Variants in GOLIM4 observed in about 807,000 individuals in gnomAD.
GOLIM4 encodes the protein golgi integral membrane protein 4.
Under a neutral mutation model 107.4 loss-of-function variants are expected in GOLIM4, and 71 were observed. The observed-to-expected ratio is 0.66, with a 90% CI of 0.55 to 0.81. The LOEUF (loss-of-function observed/expected upper bound fraction) is 0.81, where lower values mean the gene tolerates loss of function less well. GOLIM4 is among the 30% of genes least tolerant of loss of function. GOLIM4 has a pLI of 0.00. For synonymous variants in GOLIM4, 327 were observed against 294.8 expected, an observed-to-expected ratio of 1.11 and a Z score of -1.12; for missense variants, 830 against 826.1, an observed-to-expected ratio of 1.00 and a Z score of -0.06.
At chr3:168,086,288 TAATC>T (rs1315312386) in intron 1 of GOLIM4, among the ~76,000 whole-genome samples, 3 of 152,156 alleles carry the variant, frequency 2.0e-5, no homozygotes, top group East Asian at 1.9e-4. Flanking sequence ...TAAACCAAAT[TAATC>T]AATTATCAAC....
intron 1 of GOLIM4, among the ~76,000 whole-genome samples, chr3:168,078,281 C>G (rs1390016055): frequency 6.6e-6 from 1 of 151,926 alleles, no homozygotes; most frequent in Non-Finnish European, 1.5e-5. Flanking sequence ...TTAATTTTTT[C>G]TATCATAATT....
rs1430135414 is a variant in GOLIM4, at chr3:168,016,305, T to C, written c.1861-5482A>G. On this transcript the variant is annotated intron_variant, in intron 14 of 15. Transcript: ENST00000470487. Reference sequence around the variant, plus strand: ...CACATGAAAAAATGCTCATCATCACTGGCCATCAGAGAAATGCAAATCAAA... The same window carrying C: ...CACATGAAAAAATGCTCATCATCACCGGCCATCAGAGAAATGCAAATCAAA... Among the ~76,000 whole-genome samples, 4 of 134,840 alleles carry C rather than the reference T, an allele frequency of 3.0e-5. No homozygotes were observed. In the South Asian group the frequency reaches 8.4e-4, roughly 28 times the overall value. 88.5% of individuals were successfully genotyped at this position (134,840 alleles called of 152,430 possible).
At chr3:168,075,710 C>T (rs33916388) in intron 1 of GOLIM4, among the ~76,000 whole-genome samples, 86,480 of 151,968 alleles carry the variant, frequency 0.57, 26,428 homozygotes, top group African/African-American at 0.76. Context: ...CTGCTTTTCT[C>T]ATTGCTTCTT....
chr3:168,024,585 T>G lies in GOLIM4; in HGVS notation c.1801A>C (p.Asn601His), dbSNP rs765604325. The change falls in exon 14 of 16, where the codon AAT becomes CAT. Residue 601 changes from asparagine (N) to histidine (H), a missense_variant. Transcript: ENST00000470487. ...EVEEHLVMAG[N>H]PDQQEDNVDE... ...ACATTGTCCTCCTGCTGGTCTGGAT[T>G]TCCTGCCATCTGTTGGAAACAAAAG... is the stretch of plus-strand genomic sequence containing the variant. 3.1e-6 allele frequency: 5 copies of G among 1,613,344 alleles called. No homozygotes were observed. Among genetic ancestry groups the G allele is most frequent in the Admixed American group, 3.3e-5 (2 of 59,996 alleles).
intron 1 of GOLIM4, among the ~76,000 whole-genome samples, chr3:168,072,770 T>A (rs1435069748): frequency 2.0e-5 from 3 of 152,082 alleles, no homozygotes; most frequent in Non-Finnish European, 4.4e-5. Context: ...GAAGGCAGAA[T>A]TATTACAGTA....
intron 14 of GOLIM4, among the ~76,000 whole-genome samples, chr3:168,013,004 A>G: frequency 6.7e-6 from 1 of 148,764 alleles, no homozygotes; most frequent in Non-Finnish European, 1.5e-5. Context: ...TAACCAGCTA[A>G]CATCATAATG....
intron 1 of GOLIM4, among the ~76,000 whole-genome samples, chr3:168,067,525 A>AC (rs1553803181): frequency 0.025 from 3,687 of 150,412 alleles, 124 homozygotes; most frequent in African/African-American, 0.079. Context: ...AAAAAAAAAA[A>AC]ACACACACAC....
chr3:168,027,836 G>C lies in GOLIM4; in HGVS notation c.1515C>G (p.Ala505=). 2 of 1,593,260 alleles carry C rather than the reference G, an allele frequency of 1.3e-6. No individual in the cohort carries two copies. Among genetic ancestry groups the C allele is most frequent in the Non-Finnish European group, 8.6e-7 (1 of 1,161,480 alleles). Residue 505 remains alanine, a splice_region_variant and synonymous_variant, in exon 12 of 16, where the codon GCC becomes GCG. Coordinates refer to ENST00000470487, the MANE Select transcript of GOLIM4 (RefSeq NM_014498.5). ...EDQGIQGEEG[A]YERDNQHQDE... ...CTTGGTGCTGGTTGTCTCTTTCATA[G>C]GCTAGCAAATCAAAGGAACTAAAAT...
At chr3:168,087,248 T>C (rs1432474301) in intron 1 of GOLIM4, among the ~76,000 whole-genome samples, 1 of 152,314 alleles carries the variant, frequency 6.6e-6, no homozygotes, top group East Asian at 1.9e-4. Context: ...ATAGCATTAA[T>C]GATTGGTAAT....
intron 7 of GOLIM4, among the ~76,000 whole-genome samples, chr3:168,039,217 A>G (rs960766426): frequency 6.6e-6 from 1 of 151,992 alleles, no homozygotes; most frequent in South Asian, 2.1e-4. Context: ...GCCAAAAAAG[A>G]TATTTCAATA....
chr3:168,054,209 T>C (rs1362363155), intron 1 of GOLIM4, among the ~76,000 whole-genome samples: 1 of 152,242 alleles, frequency 6.6e-6, no homozygotes. Flanking sequence ...TAATTTTTAA[T>C]AAGCCCTTTC....
chr3:168,065,484 C>T (rs1432994007), intron 1 of GOLIM4, among the ~76,000 whole-genome samples: 1 of 152,140 alleles, frequency 6.6e-6, no homozygotes, highest in Admixed American at 6.6e-5. Context: ...TACAGTGAGG[C>T]TCTCTTTTTC....
At chr3:168,068,939 C>T (rs183872359) in intron 1 of GOLIM4, among the ~76,000 whole-genome samples, 13 of 151,806 alleles carry the variant, frequency 8.6e-5, no homozygotes, top group Admixed American at 5.9e-4. Flanking sequence ...CGGGTTCAAG[C>T]GATTCTCCTG....
At chr3:168,086,964 A>T (rs753476433) in intron 1 of GOLIM4, among the ~76,000 whole-genome samples, 13 of 152,164 alleles carry the variant, frequency 8.5e-5, no homozygotes, top group Non-Finnish European at 1.9e-4. Flanking sequence ...CTCTCAGCTT[A>T]GCTTAAGCTA....
intron 1 of GOLIM4, among the ~76,000 whole-genome samples, chr3:168,090,512 A>G (rs1381788766): frequency 6.6e-6 from 1 of 152,198 alleles, no homozygotes; most frequent in Admixed American, 6.5e-5. Flanking sequence ...TAAAAAGTCA[A>G]AAAACAACAA....
In GOLIM4 at chr3:168,057,624, C is replaced by T. The variant is rs546544224; in HGVS notation, c.188-9259G>A. On this transcript the variant is annotated intron_variant, in intron 1 of 15. Coordinates refer to ENST00000470487, the MANE Select transcript of GOLIM4 (RefSeq NM_014498.5). ...CTCACCTCCCACCAGGTCCCTCCCT[C>T]GACACATGGGGATTACAATTCTAGA... 1.9e-4 allele frequency among the ~76,000 whole-genome samples: 29 copies of T among 152,226 alleles called. No homozygotes were observed. In the South Asian group the frequency reaches 4.4e-3, roughly 23 times the overall value.
intron 1 of GOLIM4, among the ~76,000 whole-genome samples, chr3:168,089,168 T>C (rs141391988): frequency 0.011 from 1,708 of 152,354 alleles, 113 homozygotes; most frequent in Admixed American, 0.098. Flanking sequence ...AAATAAAAAT[T>C]ACTGAACTTA....
At chr3:168,043,110 G>A (rs577522823) in intron 5 of GOLIM4, among the ~76,000 whole-genome samples, 19 of 152,258 alleles carry the variant, frequency 1.2e-4, no homozygotes, top group Admixed American at 5.2e-4. Flanking sequence ...GAGAAGAATC[G>A]TCTTGCCCAA....
intron 14 of GOLIM4, among the ~76,000 whole-genome samples, chr3:168,018,708 T>C (rs1441083450): frequency 6.6e-6 from 1 of 152,170 alleles, no homozygotes; most frequent in African/African-American, 2.4e-5. Context: ...TCTGACTAAT[T>C]GAAACGTCAT....
Sources: gnomAD v4.1 joint callset for allele counts (sites outside exome capture counted in the v4.1 genomes callset) on GRCh38, gnomAD v4.1.1 for gene constraint, MANE v1.5 for transcripts, NCBI Gene and HGNC (gene_info 2026-07-23, HGNC 2026-07-21) for gene names.